NEBL: variants seen among roughly 807,000 people sequenced by gnomAD.
The protein encoded by NEBL is nebulette.
Under a neutral mutation model 140.2 loss-of-function variants are expected in NEBL, and 122 were observed. That is an observed-to-expected ratio of 0.87 (90% confidence interval 0.75 to 1.01). NEBL has a LOEUF of 1.01. NEBL is among the 50% of genes least tolerant of loss of function. The pLI is 0.00. For missense variants in NEBL, 1,365 were observed against 1,231.3 expected (o/e 1.11, Z -1.62); for synonymous variants, 436 against 398.9 (o/e 1.09, Z -1.11).
chr10:21,228,444 G>A (rs1171706103), intron 3 of NEBL, among the ~76,000 whole-genome samples: 1 of 152,150 alleles, frequency 6.6e-6, no homozygotes, highest in Non-Finnish European at 1.5e-5. Flanking sequence ...ATGAGCAACT[G>A]TGCCTGGCCA....
intron 4 of NEBL, among the ~76,000 whole-genome samples, chr10:20,957,944 G>A (rs541119635): frequency 3.9e-5 from 6 of 152,316 alleles, no homozygotes; most frequent in African/African-American, 1.4e-4. Context: ...AATTGAAAGT[G>A]CAGCTGATAT....
chr10:20,884,756 T>C (rs1846333995), intron 4 of NEBL, among the ~76,000 whole-genome samples: 2 of 152,246 alleles, frequency 1.3e-5, no homozygotes, highest in Non-Finnish European at 2.9e-5. Flanking sequence ...GCAGTTCCAA[T>C]GCCTGAGTAG....
intron 1 of NEBL, among the ~76,000 whole-genome samples, chr10:21,265,709 G>A (rs1022197393): frequency 1.3e-5 from 2 of 152,192 alleles, no homozygotes; most frequent in Non-Finnish European, 2.9e-5. Flanking sequence ...GCAACAGTAC[G>A]CTTTTCTGAA....
At chr10:21,044,792 CT>C (rs1834438652) in intron 2 of NEBL, among the ~76,000 whole-genome samples, 1 of 152,198 alleles carries the variant, frequency 6.6e-6, no homozygotes, top group Non-Finnish European at 1.5e-5. Flanking sequence ...CATATCAGCA[CT>C]TCTGCAACTC....
intron 4 of NEBL, among the ~76,000 whole-genome samples, chr10:20,937,754 T>C (rs1834577584): frequency 6.6e-6 from 1 of 152,170 alleles, no homozygotes; most frequent in African/African-American, 2.4e-5. Flanking sequence ...TACAGCACTT[T>C]TCCGACGGTT....
At chr10:21,227,718 TTCTTCTTCTTCTTCTTC>T (rs1842181512) in intron 3 of NEBL, among the ~76,000 whole-genome samples, 65 of 79,840 alleles carry the variant, frequency 8.1e-4, no homozygotes, top group African/African-American at 2.9e-3. Context: ...TTCTTTCTTC[TTCTTCTTCTTCTTCTTC>T]TTCTTCTTCT....
intron 2 of NEBL, among the ~76,000 whole-genome samples, chr10:21,120,035 G>C (rs1838461284): frequency 6.6e-6 from 1 of 151,990 alleles, no homozygotes; most frequent in South Asian, 2.1e-4. Flanking sequence ...ATAAGTCAAT[G>C]GGTAAATGAT....
chr10:20,875,752 T>TG (rs1246358412), intron 5 of NEBL, among the ~76,000 whole-genome samples: 1 of 151,392 alleles, frequency 6.6e-6, no homozygotes, highest in Non-Finnish European at 1.5e-5. Context: ...CAGCCAGCCA[T>TG]GGGGTCTAAA....
At chr10:20,811,207 C>T (rs1480070620) in intron 24 of NEBL, among the ~76,000 whole-genome samples, 2 of 152,158 alleles carry the variant, frequency 1.3e-5, no homozygotes, top group African/African-American at 4.8e-5. Context: ...AGTCATACAT[C>T]TTATATTTTA....
intron 13 of NEBL, among the ~76,000 whole-genome samples, chr10:20,836,042 C>T (rs1320761343): frequency 6.6e-6 from 1 of 152,116 alleles, no homozygotes; most frequent in African/African-American, 2.4e-5. Flanking sequence ...GTAATGCAAG[C>T]ATACCTCATT....
chr10:21,106,951 G>A (rs1392542188), intron 2 of NEBL, among the ~76,000 whole-genome samples: 1 of 152,062 alleles, frequency 6.6e-6, no homozygotes, highest in Non-Finnish European at 1.5e-5. Context: ...TGTAGTAATT[G>A]TGAATGGGAA....
At chr10:20,948,947 T>C (rs1223373081) in intron 4 of NEBL, among the ~76,000 whole-genome samples, 2 of 152,128 alleles carry the variant, frequency 1.3e-5, no homozygotes, top group Admixed American at 6.5e-5. Context: ...ACTAGCTCTG[T>C]CCTCAAACAC....
intron 2 of NEBL, among the ~76,000 whole-genome samples, chr10:21,060,183 C>A (rs1022086643): frequency 5.3e-5 from 8 of 152,192 alleles, no homozygotes; most frequent in African/African-American, 1.9e-4. Flanking sequence ...AGAGACAGTA[C>A]AGCTGATTAA....
intron 24 of NEBL, among the ~76,000 whole-genome samples, chr10:20,812,357 A>G (rs1838235185): frequency 2.0e-5 from 3 of 152,002 alleles, no homozygotes; most frequent in Admixed American, 2.0e-4. Context: ...GTTCTAGGGT[A>G]CATGTGCACA....
chr10:20,869,937 A>G (rs1844750922), intron 5 of NEBL, 96 bp from the exon 6 acceptor site: 1 of 879,740 alleles, frequency 1.1e-6, no homozygotes, highest in Admixed American at 1.9e-5. Context: ...TCTCATAATA[A>G]TAGCTTAGAG....
chr10:20,788,706 A>G (rs11012339), intron 26 of NEBL, among the ~76,000 whole-genome samples: 2 of 152,124 alleles, frequency 1.3e-5, no homozygotes, highest in Non-Finnish European at 2.9e-5. Flanking sequence ...ATCATTAAAT[A>G]TCAAATACTT....
At chr10:21,015,724 A>G (rs1838529462) in intron 3 of NEBL, among the ~76,000 whole-genome samples, 1 of 152,082 alleles carries the variant, frequency 6.6e-6, no homozygotes. Context: ...TGGCGCCCAG[A>G]CTGATGTCAA....
intron 3 of NEBL, among the ~76,000 whole-genome samples, chr10:20,989,162 G>T (rs1385187990): frequency 6.6e-6 from 1 of 152,158 alleles, no homozygotes; most frequent in Non-Finnish European, 1.5e-5. Context: ...ATGAATAGAA[G>T]ATTTGTAATC....
intron 23 of NEBL, 61 bp downstream of exon 23, chr10:20,813,878 T>C (rs1838415264): frequency 2.8e-6 from 3 of 1,055,376 alleles, no homozygotes; most frequent in African/African-American, 3.1e-5. Flanking sequence ...AGTAATGCCA[T>C]CCGTGCACTG....
Sources: gnomAD v4.1 joint callset for allele counts (sites outside exome capture counted in the v4.1 genomes callset) on GRCh38, gnomAD v4.1.1 for gene constraint, MANE v1.5 for transcripts, NCBI Gene and HGNC (gene_info 2026-07-23, HGNC 2026-07-21) for gene names.